Variants in HMGN5 observed in about 807,000 individuals in gnomAD.
HMGN5 encodes the protein high mobility group nucleosome-binding domain-containing protein 5.
A neutral mutation model predicts 9.5 loss-of-function variants in HMGN5; 4 were observed. The ratio of observed to expected loss-of-function variants is 0.42; its 90% CI spans 0.21 to 0.96. The LOEUF is 0.96. Ranked by LOEUF, HMGN5 falls within the 40% of genes least tolerant of loss-of-function variation. The probability of loss-of-function intolerance (pLI) is 0.30; values close to 1 mark genes in which losing one functional copy is unlikely to be tolerated. For synonymous variants in HMGN5, 55 were observed against 57.1 expected (o/e 0.96, Z 0.16); for missense variants, 192 against 187.5 (o/e 1.02, Z -0.14).
At chrX:81,170,246 C>A in intron 1 of HMGN5, among the ~76,000 whole-genome samples, 1 of 110,292 alleles carries the variant, frequency 9.1e-6, no homozygotes, top group Non-Finnish European at 1.9e-5. Flanking sequence ...CTCACGGCAT[C>A]TGAGAGATAC....
intron 1 of HMGN5, among the ~76,000 whole-genome samples, chrX:81,122,766 C>T (rs1320367642): frequency 9.0e-6 from 1 of 111,526 alleles, no homozygotes; most frequent in Admixed American, 9.5e-5. Context: ...AGGTGACTTT[C>T]GACTGTAAGA....
chrX:81,179,468 TA>T (rs751775643), intron 1 of HMGN5, among the ~76,000 whole-genome samples: 121 of 110,946 alleles, frequency 1.1e-3, no homozygotes, highest in Middle Eastern at 4.6e-3. Context: ...AAAAAGAGAA[TA>T]AAATACCTAG....
At chrX:81,125,019 G>A (rs937446739) in intron 1 of HMGN5, among the ~76,000 whole-genome samples, 8 of 110,259 alleles carry the variant, frequency 7.3e-5, no homozygotes, top group African/African-American at 2.6e-4. Flanking sequence ...ATGTATTTAT[G>A]AGAAAAGGAA....
At chrX:81,119,636 CG>C (rs2075263622) in intron 3 of HMGN5, 151 bp downstream of exon 3, 1 of 400,484 alleles carries the variant, frequency 2.5e-6, no homozygotes. Flanking sequence ...TTCTGAAATT[CG>C]GATATATATT....
intron 1 of HMGN5, among the ~76,000 whole-genome samples, chrX:81,139,470 G>T (rs767471784): frequency 4.5e-5 from 5 of 109,964 alleles, no homozygotes; most frequent in Middle Eastern, 4.2e-3. Context: ...TATCTTCCCC[G>T]CAAGGACAGT....
chrX:81,200,226 G>T (rs943248965), intron 1 of HMGN5, among the ~76,000 whole-genome samples: 6 of 111,809 alleles, frequency 5.4e-5, no homozygotes, highest in Admixed American at 1.9e-4. Flanking sequence ...GCTGGAGAGG[G>T]TTTGGAGAAA....
chrX:81,173,421 A>G (rs1327381786), intron 1 of HMGN5, among the ~76,000 whole-genome samples: 2 of 111,645 alleles, frequency 1.8e-5, no homozygotes, highest in East Asian at 5.6e-4. Context: ...GAGGGGTAGG[A>G]GGAGCCATGT....
At chrX:81,185,932 T>C (rs1388741178) in intron 1 of HMGN5, among the ~76,000 whole-genome samples, 1 of 111,934 alleles carries the variant, frequency 8.9e-6, no homozygotes, top group Admixed American at 9.5e-5. Context: ...GATTTGCATA[T>C]CTTGAACTAT....
At chrX:81,188,642 A>G (rs950354868) in intron 1 of HMGN5, among the ~76,000 whole-genome samples, 2 of 106,092 alleles carry the variant, frequency 1.9e-5, no homozygotes, top group African/African-American at 6.9e-5. Context: ...CCACCCCACG[A>G]CAGGCCCTGA....
chrX:81,166,765 C>T (rs189196709), intron 1 of HMGN5, among the ~76,000 whole-genome samples: 11 of 111,247 alleles, frequency 9.9e-5, no homozygotes, highest in African/African-American at 3.6e-4. Flanking sequence ...AGCACTAGTT[C>T]CATGGTGATG....
intron 1 of HMGN5, among the ~76,000 whole-genome samples, chrX:81,147,905 C>A (rs1425406850): frequency 9.0e-6 from 1 of 111,154 alleles, no homozygotes; most frequent in Non-Finnish European, 1.9e-5. Context: ...GAATAAAATA[C>A]CTAGGAATCC....
chrX:81,191,952 C>T (rs951005972), intron 1 of HMGN5, among the ~76,000 whole-genome samples: 1 of 110,930 alleles, frequency 9.0e-6, no homozygotes, highest in Admixed American at 9.6e-5. Context: ...CCAACACACA[C>T]TATTGAAGCT....
At chrX:81,138,565 T>C (rs921784090) in intron 1 of HMGN5, among the ~76,000 whole-genome samples, 4 of 111,410 alleles carry the variant, frequency 3.6e-5, no homozygotes, top group African/African-American at 1.3e-4. Context: ...CTGAATGCTT[T>C]CCCCCTAAAA....
chrX:81,162,793 C>G (rs2075401088), intron 1 of HMGN5, among the ~76,000 whole-genome samples: 1 of 111,288 alleles, frequency 9.0e-6, no homozygotes, highest in African/African-American at 3.3e-5. Context: ...GAGCTGCTGT[C>G]ATTATGCGAC....
chrX:81,128,415 A>C (rs1215133136), intron 1 of HMGN5, among the ~76,000 whole-genome samples: 4 of 111,347 alleles, frequency 3.6e-5, no homozygotes, highest in Non-Finnish European at 5.7e-5. Flanking sequence ...TAAATTGCCT[A>C]AGTGGAAATA....
chrX:81,158,499 C>A, intron 1 of HMGN5, among the ~76,000 whole-genome samples: 1 of 112,010 alleles, frequency 8.9e-6, no homozygotes, highest in Non-Finnish European at 1.9e-5. Flanking sequence ...ATGTCCTTTG[C>A]CCACTTTTTA....
At chrX:81,161,798 G>C (rs1444955489) in intron 1 of HMGN5, among the ~76,000 whole-genome samples, 1 of 111,188 alleles carries the variant, frequency 9.0e-6, no homozygotes, top group East Asian at 2.8e-4. Context: ...TAGTAAACTT[G>C]ATGAACTAGC....
chrX:81,143,011 G>GT (rs774858132), intron 1 of HMGN5, among the ~76,000 whole-genome samples: 25 of 111,635 alleles, frequency 2.2e-4, no homozygotes, highest in African/African-American at 7.1e-4. Flanking sequence ...GTTTTTATTA[G>GT]TTTTTTTAAT....
intron 1 of HMGN5, among the ~76,000 whole-genome samples, chrX:81,154,754 G>T (rs2075378166): frequency 9.0e-6 from 1 of 110,571 alleles, no homozygotes; most frequent in African/African-American, 3.3e-5. Context: ...ATGGCAAACA[G>T]GCATATGAAA....
Sources: allele counts gnomAD v4.1 joint callset (sites outside exome capture counted in the v4.1 genomes callset), GRCh38; gene constraint gnomAD v4.1.1; transcripts MANE v1.5; gene names NCBI Gene and HGNC (gene_info 2026-07-23, HGNC 2026-07-21).